RORB: variants seen among roughly 807,000 people sequenced by gnomAD.
The protein encoded by RORB is nuclear receptor ROR-beta.
RORB carries 6 observed loss-of-function variants against 59.1 expected under a neutral mutation model. The ratio of observed to expected loss-of-function variants is 0.10; its 90% CI spans 0.06 to 0.20. The LOEUF (loss-of-function observed/expected upper bound fraction) is 0.20, where lower values mean the gene tolerates loss of function less well. Among genes scored for constraint, RORB ranks in the 10% least tolerant of loss-of-function variants. The pLI, the probability that RORB is intolerant of heterozygous loss-of-function variation, is 1.00. For missense variants in RORB, 320 were observed against 560.5 expected (o/e 0.57, Z 4.33); for synonymous variants, 215 against 204.5 (o/e 1.05, Z -0.44).
intron 1 of RORB, among the ~76,000 whole-genome samples, chr9:74,531,595 G>C (rs1443788943): frequency 6.6e-6 from 1 of 151,874 alleles, no homozygotes; most frequent in Non-Finnish European, 1.5e-5. Flanking sequence ...TCTAAACTTA[G>C]GATATGTATA....
At chr9:74,589,336 A>C (rs1822852951) in intron 1 of RORB, among the ~76,000 whole-genome samples, 1 of 152,196 alleles carries the variant, frequency 6.6e-6, no homozygotes, top group South Asian at 2.1e-4. Context: ...CCATTCCCGA[A>C]ATATGACTAC....
intron 1 of RORB, among the ~76,000 whole-genome samples, chr9:74,524,407 C>G (rs1826126854): frequency 6.6e-6 from 1 of 151,878 alleles, no homozygotes; most frequent in Non-Finnish European, 1.5e-5. Context: ...TAATCTCTTA[C>G]ATACTAAATC....
intron 1 of RORB, among the ~76,000 whole-genome samples, chr9:74,605,965 A>G (rs1037890534): frequency 2.6e-5 from 4 of 152,202 alleles, no homozygotes; most frequent in Non-Finnish European, 4.4e-5. Flanking sequence ...TAACAAGTAC[A>G]CAGGAGCAGG....
intron 1 of RORB, among the ~76,000 whole-genome samples, chr9:74,522,606 C>G (rs1826098222): frequency 6.6e-6 from 1 of 151,740 alleles, no homozygotes; most frequent in South Asian, 2.1e-4. Flanking sequence ...TTTGATTTTG[C>G]TAAAATAAAT....
At chr9:74,555,603 T>C (rs1481339894) in intron 1 of RORB, among the ~76,000 whole-genome samples, 1 of 152,220 alleles carries the variant, frequency 6.6e-6, no homozygotes, top group Non-Finnish European at 1.5e-5. Flanking sequence ...TTTATTTAAC[T>C]CTGAGTTTTC....
chr9:74,677,622 C>G (rs555702312), intron 9 of RORB, among the ~76,000 whole-genome samples: 28 of 152,146 alleles, frequency 1.8e-4, no homozygotes, highest in Non-Finnish European at 3.8e-4. Flanking sequence ...GGGAGATTCA[C>G]CTCCCCTGCC....
intron 9 of RORB, among the ~76,000 whole-genome samples, 175 bp from the exon 10 acceptor site, chr9:74,685,288 A>C: frequency 6.6e-6 from 1 of 150,466 alleles, no homozygotes; most frequent in Admixed American, 6.6e-5. Context: ...GGGGGTGGGT[A>C]CGTTTTATTT....
At chr9:74,519,794 T>C (rs199981125) in intron 1 of RORB, among the ~76,000 whole-genome samples, 1 of 151,954 alleles carries the variant, frequency 6.6e-6, no homozygotes, top group East Asian at 1.9e-4. Flanking sequence ...ATTAAATGTG[T>C]CTTCCCAAGG....
intron 1 of RORB, among the ~76,000 whole-genome samples, chr9:74,540,149 T>A (rs981450431): frequency 3.9e-5 from 6 of 152,156 alleles, no homozygotes; most frequent in East Asian, 3.9e-4. Context: ...TATACTTTTT[T>A]AAAAAATATA....
chr9:74,651,331 T>C (rs933013564), intron 4 of RORB, among the ~76,000 whole-genome samples: 3 of 152,074 alleles, frequency 2.0e-5, no homozygotes, highest in African/African-American at 7.2e-5. Context: ...GGTCAGGAGT[T>C]CGAGGCCAGC....
intron 1 of RORB, among the ~76,000 whole-genome samples, chr9:74,608,355 G>A (rs1031145006): frequency 6.6e-6 from 1 of 151,992 alleles, no homozygotes; most frequent in Non-Finnish European, 1.5e-5. Flanking sequence ...CATGAGGTCA[G>A]AAGATCGAGA....
intron 1 of RORB, among the ~76,000 whole-genome samples, chr9:74,510,970 AC>A (rs1226529607): frequency 6.6e-6 from 1 of 152,116 alleles, no homozygotes; most frequent in Non-Finnish European, 1.5e-5. Flanking sequence ...AAAATATCAT[AC>A]TCTTTAGCCC....
chr9:74,586,855 A>G (rs1343799453), intron 1 of RORB, among the ~76,000 whole-genome samples: 2 of 152,164 alleles, frequency 1.3e-5, no homozygotes, highest in Admixed American at 6.5e-5. Context: ...TAGTTTAATC[A>G]TACAATTAAC....
intron 1 of RORB, among the ~76,000 whole-genome samples, chr9:74,531,609 A>T (rs1826239981): frequency 1.3e-5 from 2 of 152,036 alleles, no homozygotes; most frequent in Admixed American, 6.6e-5. Context: ...ATGTATAACC[A>T]CTGCATAATT....
At chr9:74,552,094 C>T (rs1826619602) in intron 1 of RORB, among the ~76,000 whole-genome samples, 1 of 152,106 alleles carries the variant, frequency 6.6e-6, no homozygotes, top group South Asian at 2.1e-4. Flanking sequence ...TACAGTTCTT[C>T]TATAGGTCTC....
intron 1 of RORB, among the ~76,000 whole-genome samples, chr9:74,517,902 G>A (rs1002056822): frequency 8.6e-5 from 13 of 152,012 alleles, no homozygotes; most frequent in Admixed American, 5.9e-4. Flanking sequence ...AATTACCTCA[G>A]TTAATCATCA....
At chr9:74,664,855 T>G (rs1194907591) in intron 6 of RORB, among the ~76,000 whole-genome samples, 1 of 152,232 alleles carries the variant, frequency 6.6e-6, no homozygotes, top group Non-Finnish European at 1.5e-5. Flanking sequence ...AAAAGCCCAT[T>G]TCTCCAAAAC....
At chr9:74,506,867 G>A (rs761137886) in intron 1 of RORB, among the ~76,000 whole-genome samples, 2 of 152,014 alleles carry the variant, frequency 1.3e-5, no homozygotes, top group Non-Finnish European at 2.9e-5. Flanking sequence ...TGTGCCCTTC[G>A]GTTGTAACAA....
chr9:74,512,112 T>C (rs1345363427), intron 1 of RORB, among the ~76,000 whole-genome samples: 3 of 152,194 alleles, frequency 2.0e-5, no homozygotes, highest in Admixed American at 6.5e-5. Flanking sequence ...TAAAGGCTCC[T>C]AATTGGGGAA....
Sources: allele counts gnomAD v4.1 joint callset (sites outside exome capture counted in the v4.1 genomes callset), GRCh38; gene constraint gnomAD v4.1.1; transcripts MANE v1.5; gene names NCBI Gene and HGNC (gene_info 2026-07-23, HGNC 2026-07-21).